GALNT16: variants seen among roughly 807,000 people sequenced by gnomAD.
GALNT16 encodes the protein UDP-GalNAc:polypeptide N-acetylgalactosaminyltransferase-like protein 1.
In GALNT16, 40 loss-of-function variants were observed where a neutral mutation model predicts 76.1. That is an observed-to-expected ratio of 0.53 (90% CI 0.41 to 0.68). The LOEUF is 0.68. Ranked by LOEUF, GALNT16 falls within the 30% of genes least tolerant of loss-of-function variation. GALNT16 has a pLI of 0.00. For synonymous variants in GALNT16, 276 were observed against 285.2 expected (o/e 0.97, Z 0.32); for missense variants, 621 against 731.9 (o/e 0.85, Z 1.75).
At chr14:69,368,354 C>T in the GALNT16 span, among the ~76,000 whole-genome samples, 3 of 152,168 alleles carry the variant, frequency 2.0e-5, no homozygotes, top group Admixed American at 6.5e-5. Context: ...CTCAGAGACT[C>T]TCATGAGGTT....
chr14:69,303,999 A>G (rs1180254825), intron 1 of GALNT16, among the ~76,000 whole-genome samples: 1 of 152,038 alleles, frequency 6.6e-6, no homozygotes, highest in East Asian at 1.9e-4. Flanking sequence ...TTTCTGCGTC[A>G]TTTTTATAAT....
intron 1 of GALNT16, among the ~76,000 whole-genome samples, chr14:69,304,570 T>C (rs1464042296): frequency 6.6e-6 from 1 of 152,226 alleles, no homozygotes; most frequent in Non-Finnish European, 1.5e-5. Flanking sequence ...TTCTTTTTGC[T>C]TGGCTGAAAC....
intron 12 of GALNT16, among the ~76,000 whole-genome samples, chr14:69,342,187 C>T (rs994539976): frequency 2.6e-5 from 4 of 151,994 alleles, no homozygotes; most frequent in Non-Finnish European, 5.9e-5. Context: ...GTGGGTTATG[C>T]CTGTAATTCC....
intron 12 of GALNT16, 83 bp downstream of exon 12, chr14:69,341,847 A>T: frequency 1.2e-6 from 1 of 823,042 alleles, no homozygotes; most frequent in South Asian, 1.4e-5. Context: ...CCCCACCCTT[A>T]GATCTCCTCA....
Position 69,311,349 on chromosome 14 carries a change from G to A in GALNT16, c.178-9362G>A, listed in dbSNP as rs78003584. On this transcript the variant is annotated intron_variant, in intron 1 of 14. Coordinates refer to ENST00000448469, the MANE Select transcript of GALNT16 (RefSeq NM_001168368.2). ...ATAAAGGCATTAATCCATTCATGAGGGCAGAGCCTTTCTGACTTAATCACT... is the reference window on the plus strand; with the variant it reads ...ATAAAGGCATTAATCCATTCATGAGAGCAGAGCCTTTCTGACTTAATCACT... Among the ~76,000 whole-genome samples the A allele has an allele frequency of 4.2e-3, 638 of 152,282 alleles. 2 individuals carry two copies. Among genetic ancestry groups the A allele is most frequent in the Non-Finnish European group, 6.7e-3 (458 of 68,028 alleles).
At chr14:69,265,029 G>T (rs2044325845) in intron 1 of GALNT16, among the ~76,000 whole-genome samples, 1 of 151,870 alleles carries the variant, frequency 6.6e-6, no homozygotes, top group Admixed American at 6.6e-5. Context: ...TGTCCAGGTT[G>T]GTCTCAAACT....
At chr14:69,271,260 G>T (rs1258469578) in intron 1 of GALNT16, among the ~76,000 whole-genome samples, 2 of 152,184 alleles carry the variant, frequency 1.3e-5, no homozygotes, top group East Asian at 3.8e-4. Flanking sequence ...ACCACACCGG[G>T]GCCGGGGCTC....
At chr14:69,308,392 G>T (rs1001956633) in intron 1 of GALNT16, among the ~76,000 whole-genome samples, 2 of 151,286 alleles carry the variant, frequency 1.3e-5, no homozygotes, top group Non-Finnish European at 3.0e-5. Context: ...CTGTAGAGCG[G>T]TTTCCTGTGT....
chr14:69,325,773 G>A (rs145843890), intron 4 of GALNT16, among the ~76,000 whole-genome samples, 189 bp from the exon 5 acceptor site: 1 of 152,286 alleles, frequency 6.6e-6, no homozygotes, highest in Non-Finnish European at 1.5e-5. Flanking sequence ...ATAGGTACAG[G>A]CACTCCTCAG....
At chr14:69,275,734 C>T (rs1306703562) in intron 1 of GALNT16, among the ~76,000 whole-genome samples, 3 of 152,148 alleles carry the variant, frequency 2.0e-5, no homozygotes, top group South Asian at 2.1e-4. Flanking sequence ...TGGCATGCAC[C>T]GAGTAGTCCC....
chr14:69,332,149 A>C (rs904140739), intron 7 of GALNT16, among the ~76,000 whole-genome samples: 2 of 152,258 alleles, frequency 1.3e-5, no homozygotes, highest in Admixed American at 1.3e-4. Context: ...TATTGATTAC[A>C]TGTTGAAATG....
At chr14:69,266,706 A>C (rs960462863) in intron 1 of GALNT16, among the ~76,000 whole-genome samples, 4 of 152,180 alleles carry the variant, frequency 2.6e-5, no homozygotes, top group Non-Finnish European at 5.9e-5. Flanking sequence ...TCCCAACAGC[A>C]GCAGGAAAGG....
At chr14:69,281,292 A>G (rs577543780) in intron 1 of GALNT16, among the ~76,000 whole-genome samples, 3 of 152,314 alleles carry the variant, frequency 2.0e-5, no homozygotes, top group African/African-American at 7.2e-5. Flanking sequence ...CATTTTGCAG[A>G]TGAAAAAACT....
At chr14:69,369,020 A>C in the GALNT16 span, among the ~76,000 whole-genome samples, 1 of 152,184 alleles carries the variant, frequency 6.6e-6, no homozygotes, top group Non-Finnish European at 1.5e-5. Flanking sequence ...TCAATAAACT[A>C]TACCCCTCAC....
intron 1 of GALNT16, among the ~76,000 whole-genome samples, chr14:69,273,998 G>A (rs371847761): frequency 3.3e-5 from 5 of 152,322 alleles, no homozygotes; most frequent in African/African-American, 1.2e-4. Flanking sequence ...GCAGCATAGC[G>A]TAGTGGTTAT....
At position 69,286,636 on chromosome 14, in the gene GALNT16, C is replaced by CATATT. The variant is rs543143306; in HGVS notation, c.177+26172_177+26173insTTATA. Among the ~76,000 whole-genome samples, 582 of 152,256 alleles carry CATATT rather than the reference C, an allele frequency of 3.8e-3. 3 individuals carry two copies. The highest frequency in any genetic ancestry group is 0.014 in the African/African-American group (564 of 41,552). On this transcript the variant is annotated intron_variant, in intron 1 of 14. Coordinates refer to ENST00000448469, the MANE Select transcript of GALNT16 (RefSeq NM_001168368.2). ...CTCTTATTTGTGCATTTTACACACA[C>CATATT]ATAACTCCTACTTAATAATATGCAT...
At position 69,325,415 on chromosome 14, in the gene GALNT16, A is replaced by C; in HGVS notation, c.502+11A>C. 6.5e-7 allele frequency: 1 copy of C among 1,527,426 alleles called. No individual in the cohort carries two copies. The highest frequency in any genetic ancestry group is 9.1e-7 in the Non-Finnish European group (1 of 1,100,818). 94.6% of individuals were successfully genotyped at this position (1,527,426 alleles called of 1,614,324 possible). A position where few individuals can be genotyped will look rare whatever the true frequency, so the allele number is the denominator to read the frequency against. ...ACTTCAGCTCAGATCGTGAGTAGTC[A>C]CCTTCCTTTTTGCAGCCCTCCATTC... On this transcript the variant is annotated intron_variant, in intron 4 of 14. Transcript: ENST00000448469.
chr14:69,326,470 C>T (rs1267794186), intron 5 of GALNT16, among the ~76,000 whole-genome samples: 1 of 152,220 alleles, frequency 6.6e-6, no homozygotes, highest in Non-Finnish European at 1.5e-5. Flanking sequence ...TAGTCCCTGC[C>T]CTCGGAGAGC....
chr14:69,278,932 ATTT>A (rs532468111), intron 1 of GALNT16, among the ~76,000 whole-genome samples: 2 of 144,016 alleles, frequency 1.4e-5, no homozygotes, highest in Non-Finnish European at 1.5e-5. Context: ...CTTTACCTTA[ATTT>A]TTTTTTTTTT....
Sources: gnomAD v4.1 joint callset for allele counts (sites outside exome capture counted in the v4.1 genomes callset) on GRCh38, gnomAD v4.1.1 for gene constraint, MANE v1.5 for transcripts, NCBI Gene and HGNC (gene_info 2026-07-23, HGNC 2026-07-21) for gene names.